ZKSCAN7: variants seen among roughly 807,000 people sequenced by gnomAD.
ZKSCAN7 encodes the protein zinc finger with KRAB and SCAN domains 7, also known as zinc finger protein with KRAB and SCAN domains 7.
In ZKSCAN7, 38 loss-of-function variants were observed where a neutral mutation model predicts 65.3. The ratio of observed to expected loss-of-function variants is 0.58; its 90% CI spans 0.45 to 0.76. The LOEUF is 0.76. ZKSCAN7 is among the 30% of genes least tolerant of loss of function. The pLI, the probability that ZKSCAN7 is intolerant of heterozygous loss-of-function variation, is 0.00. For missense variants in ZKSCAN7, 815 were observed against 913.3 expected, an observed-to-expected ratio of 0.89 and a Z score of 1.39; for synonymous variants, 321 against 321.0, an observed-to-expected ratio of 1.00 and a Z score of 0.00.
In ZKSCAN7 at chr3:44,557,064, G is replaced by A. The variant is rs778170505; in HGVS notation, c.17G>A (p.Arg6Lys). The change falls in exon 2 of 6, where the codon AGG (arginine) becomes AAG (lysine). Residue 6 changes from arginine (R) to lysine (K), a missense_variant. Around this residue, in one of 3 missense-constraint regions of ZKSCAN7, gnomAD observed 227 missense variants for 253.3 expected, o/e 0.90. Coordinates refer to ENST00000426540, the MANE Select transcript of ZKSCAN7 (RefSeq NM_001288590.2). MTTAG[R>K]GNLGLIPRST... is the part of the protein sequence containing the mutation. ...GGGGTCACAATGACCACTGCAGGCA[G>A]GGGAAATTTAGGCCTCATCCCCAGG... 3.7e-5 allele frequency: 60 copies of A among 1,614,096 alleles called. No homozygotes were observed. The highest frequency in any genetic ancestry group is 5.0e-5 in the Non-Finnish European group (59 of 1,180,040).
chr3:44,572,411 T>A (rs568911028), downstream of ZKSCAN7, among the ~76,000 whole-genome samples: 43 of 148,828 alleles, frequency 2.9e-4, no homozygotes, highest in African/African-American at 6.2e-4. Flanking sequence ...AGAGAGAGAG[T>A]GTGTGTGTGT....
At chr3:44,579,623 C>T (rs1205002470) in intron 5 of ZKSCAN7, among the ~76,000 whole-genome samples, 2 of 152,150 alleles carry the variant, frequency 1.3e-5, no homozygotes, top group African/African-American at 2.4e-5. Flanking sequence ...CCAGTTCCGC[C>T]GAATCCCAGA....
In ZKSCAN7 at chr3:44,570,054, G is replaced by A; in HGVS notation, c.944G>A (p.Cys315Tyr). The change falls in exon 6 of 6, where the codon TGT (cysteine) becomes TAT (tyrosine). Residue 315 changes from cysteine (C) to tyrosine (Y), a missense_variant. This residue lies in a region of ZKSCAN7 where 578 missense variants were observed against 629.5 expected (regional missense o/e 0.92). Coordinates refer to ENST00000426540, the MANE Select transcript of ZKSCAN7 (RefSeq NM_001288590.2). The part of the protein sequence containing the change: ...VPGAAETGDV[C>Y]EDTFKELEGQ... ...GGGGCAGCAGAGACTGGAGATGTTT[G>A]TGAAGATACTTTCAAGGAGTTAGAA... 1.9e-6 allele frequency: 3 copies of A among 1,614,022 alleles called. No individual in the cohort carries two copies. The highest frequency in any genetic ancestry group is 1.3e-5 in the African/African-American group (1 of 75,010).
downstream of ZKSCAN7, among the ~76,000 whole-genome samples, chr3:44,575,843 G>A (rs1360145693): frequency 6.6e-6 from 1 of 152,160 alleles, no homozygotes; most frequent in Admixed American, 6.5e-5. Context: ...CTCCCAAAGT[G>A]CTGGGATTAC....
chr3:44,578,433 G>A (rs1559433507), intron 5 of ZKSCAN7: 16 of 1,614,036 alleles, frequency 9.9e-6, no homozygotes, highest in African/African-American at 1.3e-5. Flanking sequence ...GCAGCCAGGC[G>A]GTTGTTCAGC....
chr3:44,567,881 G>A (rs1423455253), intron 3 of ZKSCAN7, 31 bp from the exon 4 acceptor site: 5 of 669,316 alleles, frequency 7.5e-6, no homozygotes, highest in Non-Finnish European at 1.3e-5. Flanking sequence ...AGCAGGGCTT[G>A]TCCCACTCAT....
chr3:44,567,709 A>T lies in ZKSCAN7; in HGVS notation c.593-203A>T, dbSNP rs368794738. Among the ~76,000 whole-genome samples, 35 of 151,960 alleles carry T rather than the reference A, an allele frequency of 2.3e-4. 1 individual carries two copies. The highest frequency in any genetic ancestry group is 7.3e-5 in the African/African-American group (3 of 41,352). Reference sequence around the variant, plus strand: ...AGAGTGAGGGCTTGGAGGAACACCCAGTTCTCAGCTTGATCCGGGACCTTG... The same window carrying T: ...AGAGTGAGGGCTTGGAGGAACACCCTGTTCTCAGCTTGATCCGGGACCTTG... On this transcript the variant is annotated intron_variant, in intron 3 of 5. Transcript: ENST00000426540.
intron 3 of ZKSCAN7, among the ~76,000 whole-genome samples, chr3:44,566,244 G>C (rs1437359551): frequency 1.3e-5 from 2 of 152,210 alleles, no homozygotes; most frequent in Admixed American, 6.5e-5. Context: ...TTGAGGTGGA[G>C]TCAGGAAAGA....
In ZKSCAN7 at chr3:44,557,338, G is replaced by T. The variant is rs746940567; in HGVS notation, c.291G>T (p.Leu97=). The change falls in exon 2 of 6, where the codon CTG becomes CTT. Residue 97 remains leucine, a synonymous_variant. Coordinates refer to ENST00000426540, the MANE Select transcript of ZKSCAN7 (RefSeq NM_001288590.2). ...VHTKEQILEL[L]VLEQFLSILP... The stretch of plus-strand genomic sequence containing the variant: ...CCAAGGAGCAGATCCTGGAGCTGCT[G>T]GTGCTTGAGCAGTTCCTGAGCATCC... 25 of 1,614,144 alleles carry T rather than the reference G, an allele frequency of 1.5e-5. No individual in the cohort carries two copies.
intron 5 of ZKSCAN7, chr3:44,581,105 G>T (rs1200624833): frequency 2.0e-6 from 2 of 1,003,822 alleles, no homozygotes; most frequent in African/African-American, 3.5e-5. Context: ...CGCGGCCGCC[G>T]CCGCATCCCT....
chr3:44,565,612 T>G lies in ZKSCAN7; in HGVS notation c.549T>G (p.Pro183=). The change falls in exon 3 of 6, where the codon CCT becomes CCG. Residue 183 remains proline, a synonymous_variant. Coordinates refer to ENST00000426540, the MANE Select transcript of ZKSCAN7 (RefSeq NM_001288590.2). ...GGSAPGAHLE[P]PYDPGTHHLP... ...CAGCCCCTGGAGCCCACCTGGAGCCTCCTTATGACCCAGGGACACACCACC... is the reference window on the plus strand; with the variant it reads ...CAGCCCCTGGAGCCCACCTGGAGCCGCCTTATGACCCAGGGACACACCACC... 3 of 1,611,840 alleles carry G rather than the reference T, an allele frequency of 1.9e-6. No homozygotes were observed. The highest frequency in any genetic ancestry group is 2.5e-6 in the Non-Finnish European group (3 of 1,179,140).
chr3:44,570,607 G>A lies in ZKSCAN7; in HGVS notation c.1497G>A (p.Glu499=). 1 of 1,613,976 alleles carries A rather than the reference G, an allele frequency of 6.2e-7. No homozygotes were observed. Among genetic ancestry groups the A allele is most frequent in the Non-Finnish European group, 8.5e-7 (1 of 1,179,976 alleles). Residue 499 remains glutamate (E), a synonymous_variant, in exon 6 of 6, where the codon GAG becomes GAA. Transcript: ENST00000426540. ...GGGAGAAACCTTATGAATGCAATGA[G>A]TGTGGAGAGGCATTCATTCGAAGCA... ...HTGEKPYECN[E]CGEAFIRSKS...
Position 44,570,679 on chromosome 3 carries a change from C to A in ZKSCAN7, c.1569C>A (p.Tyr523Ter). 2 of 1,613,926 alleles carry A rather than the reference C, an allele frequency of 1.2e-6. No individual in the cohort carries two copies. The highest frequency in any genetic ancestry group is 1.7e-6 in the Non-Finnish European group (2 of 1,179,976). The change falls in exon 6 of 6, where the codon TAC (tyrosine) becomes TAA (stop). Residue 523 changes from tyrosine to a stop codon, truncating the protein, a stop_gained. Coordinates refer to ENST00000426540, the MANE Select transcript of ZKSCAN7 (RefSeq NM_001288590.2). LOFTEE classifies it high-confidence loss of function. ...HQVLHTGKKPYKCNECGRAFC... is the reference protein window; with the variant it reads ...HQVLHTGKKP ...TCCTGCACACTGGTAAGAAACCTTA[C>A]AAATGCAATGAGTGTGGGAGAGCAT...
chr3:44,572,409 AGTGTGTGT>A (rs34720095), downstream of ZKSCAN7, among the ~76,000 whole-genome samples: 12 of 144,762 alleles, frequency 8.3e-5, no homozygotes, highest in South Asian at 2.7e-3. Flanking sequence ...AAAGAGAGAG[AGTGTGTGT>A]GTGTGTGTAT....
At position 44,571,768 on chromosome 3, in the gene ZKSCAN7, C is replaced by T; in HGVS notation, c.*393C>T. ...AGTCATTCAAAAAGGCTGATTCATGCCTTCCTGCCTCTTGGCTATGGCCCT... is the reference window on the plus strand; with the variant it reads ...AGTCATTCAAAAAGGCTGATTCATGTCTTCCTGCCTCTTGGCTATGGCCCT... On this transcript the variant is annotated 3_prime_UTR_variant, in exon 6 of 6. Transcript: ENST00000426540. 9 of 1,022,204 alleles carry T rather than the reference C, an allele frequency of 8.8e-6. No individual in the cohort carries two copies. Among genetic ancestry groups the T allele is most frequent in the South Asian group, 3.8e-5 (1 of 26,130 alleles). 63.3% of individuals were successfully genotyped at this position (1,022,204 alleles called of 1,614,324 possible).
rs1178872197 is a variant in ZKSCAN7, at chr3:44,571,929, C to T, written c.*554C>T. On this transcript the variant is annotated 3_prime_UTR_variant, in exon 6 of 6. Coordinates refer to ENST00000426540, the MANE Select transcript of ZKSCAN7 (RefSeq NM_001288590.2). ...CATCTCATCACTGAAATACTTTCTT[C>T]TTCAAGTACTTTTTTATTTTTCTTC... 1.0e-6 allele frequency: 1 copy of T among 986,340 alleles called. No homozygotes were observed. Among genetic ancestry groups the T allele is most frequent in the Admixed American group, 6.1e-5 (1 of 16,496 alleles). 61.1% of individuals were successfully genotyped at this position (986,340 alleles called of 1,614,324 possible). A position where few individuals can be genotyped will look rare whatever the true frequency, so the allele number is the denominator to read the frequency against.
chr3:44,574,787 A>G (rs1699891232), downstream of ZKSCAN7, among the ~76,000 whole-genome samples: 2 of 151,728 alleles, frequency 1.3e-5, no homozygotes, highest in African/African-American at 4.8e-5. Flanking sequence ...AAAATTGGCC[A>G]GGTGTGGTGG....
chr3:44,574,725 T>A (rs931563890), downstream of ZKSCAN7, among the ~76,000 whole-genome samples: 8 of 151,128 alleles, frequency 5.3e-5, no homozygotes, highest in Non-Finnish European at 1.2e-4. Flanking sequence ...AGGTCAGGAG[T>A]TCAAGACCAG....
At chr3:44,562,852 C>T (rs1699514720) in intron 2 of ZKSCAN7, among the ~76,000 whole-genome samples, 1 of 152,118 alleles carries the variant, frequency 6.6e-6, no homozygotes, top group Non-Finnish European at 1.5e-5. Context: ...TGCCTGTAGT[C>T]CCAGCTACTC....
Sources: gnomAD v4.1 joint callset for allele counts (sites outside exome capture counted in the v4.1 genomes callset) on GRCh38, gnomAD v4.1.1 for gene constraint, gnomAD v4.1.1 regional missense constraint, MANE v1.5 for transcripts, NCBI Gene and HGNC (gene_info 2026-07-23, HGNC 2026-07-21) for gene names.